The following CDK14 variants were observed in gnomAD, a reference collection of about 807,000 sequenced individuals.
CDK14 encodes the protein cyclin-dependent kinase 14.
CDK14 carries 34 observed loss-of-function variants against 60.7 expected under a neutral mutation model. That is an observed-to-expected ratio of 0.56 (90% CI 0.43 to 0.75). CDK14 has a LOEUF of 0.75. Among genes scored for constraint, CDK14 ranks in the 30% least tolerant of loss-of-function variants. CDK14 has a pLI of 0.00. For synonymous variants in CDK14, 197 were observed against 203.7 expected, an observed-to-expected ratio of 0.97 and a Z score of 0.28; for missense variants, 482 against 564.1, an observed-to-expected ratio of 0.85 and a Z score of 1.47.
intron 5 of CDK14, among the ~76,000 whole-genome samples, chr7:90,835,940 T>G (rs1790080217): frequency 6.6e-6 from 1 of 152,188 alleles, no homozygotes; most frequent in South Asian, 2.1e-4. Flanking sequence ...TGTAACACAA[T>G]GGTAAGTATT....
intron 3 of CDK14, among the ~76,000 whole-genome samples, chr7:90,728,712 A>G (rs1026901140): frequency 6.6e-5 from 10 of 151,980 alleles, no homozygotes; most frequent in African/African-American, 1.2e-4. Flanking sequence ...TGGTGGGTCT[A>G]TGTCATGCCT....
At chr7:90,640,308 G>A (rs1308935019) in intron 2 of CDK14, among the ~76,000 whole-genome samples, 1 of 151,964 alleles carries the variant, frequency 6.6e-6, no homozygotes, top group African/African-American at 2.4e-5. Context: ...CAGTAAACAC[G>A]CTTTTTGTTT....
chr7:91,028,083 T>C (rs75783060), intron 10 of CDK14, among the ~76,000 whole-genome samples: 4,195 of 149,720 alleles, frequency 0.028, 200 homozygotes, highest in African/African-American at 0.097. Context: ...GTGTCCATTA[T>C]ACCATTCTTA....
rs897379731 is a variant in CDK14 at position 90,639,892 on chromosome 7, C to T, written c.123+35643C>T. Among the ~76,000 whole-genome samples the T allele has an allele frequency of 7.2e-5, 11 of 152,094 alleles. 1 individual carries two copies. Among genetic ancestry groups the T allele is most frequent in the East Asian group, 5.8e-4 (3 of 5,166 alleles). On this transcript the variant is annotated intron_variant, in intron 2 of 14. Transcript: ENST00000380050. ...CTCAGACTGCTGTGCTAGCAATCGGCGAGACTCCGTGGGCGTAGGACCCTC... is the reference window on the plus strand; with the variant it reads ...CTCAGACTGCTGTGCTAGCAATCGGTGAGACTCCGTGGGCGTAGGACCCTC...
At chr7:90,955,590 T>C in intron 8 of CDK14, 107 bp from the exon 9 acceptor site, 1 of 1,236,366 alleles carries the variant, frequency 8.1e-7, no homozygotes, top group Non-Finnish European at 1.2e-6. Flanking sequence ...CTCCTGATTC[T>C]GTATTAAAAG....
At chr7:91,136,961 C>T (rs1213343481) in intron 14 of CDK14, among the ~76,000 whole-genome samples, 1 of 151,952 alleles carries the variant, frequency 6.6e-6, no homozygotes, top group African/African-American at 2.4e-5. Flanking sequence ...AAAGTTATGC[C>T]CTCTTCATTG....
At chr7:91,172,045 T>G (rs1464504162) in intron 14 of CDK14, among the ~76,000 whole-genome samples, 1 of 152,212 alleles carries the variant, frequency 6.6e-6, no homozygotes, top group Non-Finnish European at 1.5e-5. Context: ...GTCCACAAAT[T>G]TTATCATAAA....
intron 4 of CDK14, among the ~76,000 whole-genome samples, chr7:90,783,536 A>T (rs182017475): frequency 6.6e-6 from 1 of 152,324 alleles, no homozygotes; most frequent in African/African-American, 2.4e-5. Flanking sequence ...ATTAATAACC[A>T]GAATACATAA....
chr7:91,103,122 G>A (rs1348991555), intron 12 of CDK14, among the ~76,000 whole-genome samples: 4 of 152,164 alleles, frequency 2.6e-5, no homozygotes, highest in East Asian at 1.9e-4. Flanking sequence ...GCTTGGTGGT[G>A]TGCACCTGTA....
chr7:90,825,224 G>GTT (rs1789681759), intron 5 of CDK14, among the ~76,000 whole-genome samples: 2 of 152,308 alleles, frequency 1.3e-5, no homozygotes, highest in Non-Finnish European at 2.9e-5. Flanking sequence ...CGTACTCTGA[G>GTT]TCACCTACTG....
chr7:90,680,996 CAGATAG>C (rs1801303160), intron 2 of CDK14, among the ~76,000 whole-genome samples: 1 of 152,086 alleles, frequency 6.6e-6, no homozygotes, highest in Admixed American at 6.6e-5. Context: ...TGTAAAGAGA[CAGATAG>C]TACATTGTGG....
At chr7:90,674,215 A>T (rs976420997) in intron 2 of CDK14, among the ~76,000 whole-genome samples, 3 of 152,240 alleles carry the variant, frequency 2.0e-5, no homozygotes, top group African/African-American at 7.2e-5. Flanking sequence ...GAGAAAAAAA[A>T]TGCAGCCTTT....
rs1038742799 is a variant in CDK14 at position 90,938,314 on chromosome 7, A to G, written c.827-17383A>G. Among the ~76,000 whole-genome samples the G allele has an allele frequency of 2.0e-5, 3 of 152,256 alleles. No homozygotes were observed. The East Asian group carries it at 5.8e-4, about 29-fold the overall frequency. On this transcript the variant is annotated intron_variant, in intron 8 of 14. Coordinates refer to ENST00000380050, the MANE Select transcript of CDK14 (RefSeq NM_001287135.2). ...TCCTGTAGGTTTGAGAGCTTGTGGA[A>G]TAAGAATGCCAGCCCTTGGGCTAAT...
chr7:91,142,675 G>A (rs1800504445), intron 14 of CDK14, among the ~76,000 whole-genome samples: 1 of 152,152 alleles, frequency 6.6e-6, no homozygotes, highest in African/African-American at 2.4e-5. Flanking sequence ...CCATTTCCAA[G>A]GGAATCATAA....
intron 2 of CDK14, among the ~76,000 whole-genome samples, chr7:90,659,835 GCTT>G (rs1800825771): frequency 1.1e-5 from 1 of 94,662 alleles, no homozygotes; most frequent in Non-Finnish European, 2.1e-5. Flanking sequence ...GCCAGGGAAT[GCTT>G]CTCTCTCTCT....
At chr7:90,676,708 G>T (rs535457179) in intron 2 of CDK14, among the ~76,000 whole-genome samples, 35 of 151,872 alleles carry the variant, frequency 2.3e-4, no homozygotes, top group African/African-American at 8.0e-4. Context: ...AGTTTTGCTC[G>T]TTTTTTTGGT....
intron 2 of CDK14, among the ~76,000 whole-genome samples, chr7:90,713,692 A>G (rs527237975): frequency 6.6e-6 from 1 of 150,862 alleles, no homozygotes; most frequent in African/African-American, 2.4e-5. Flanking sequence ...AGAATTGCAG[A>G]TAAAGTTGTT....
chr7:90,795,943 A>G (rs977742266), intron 5 of CDK14, among the ~76,000 whole-genome samples: 6 of 152,194 alleles, frequency 3.9e-5, no homozygotes, highest in African/African-American at 1.4e-4. Flanking sequence ...AAGTAGGATC[A>G]CATTGAAGTT....
chr7:90,983,670 A>C (rs1465149487), intron 9 of CDK14, among the ~76,000 whole-genome samples: 1 of 140,980 alleles, frequency 7.1e-6, no homozygotes, highest in African/African-American at 2.7e-5. Flanking sequence ...ACAGAGCAAG[A>C]CTCCATCTCA....
Sources: gnomAD v4.1 joint callset for allele counts (sites outside exome capture counted in the v4.1 genomes callset) on GRCh38, gnomAD v4.1.1 for gene constraint, MANE v1.5 for transcripts, NCBI Gene and HGNC (gene_info 2026-07-23, HGNC 2026-07-21) for gene names.